The following SLC4A4 variants were observed in gnomAD, a reference collection of about 807,000 sequenced individuals.
SLC4A4 encodes the protein solute carrier family 4 member 4.
A neutral mutation model predicts 111.5 loss-of-function variants in SLC4A4; 27 were observed. The ratio of observed to expected loss-of-function variants is 0.24; its 90% confidence interval spans 0.18 to 0.33. SLC4A4 has a LOEUF of 0.33. Among genes scored for constraint, SLC4A4 ranks in the 10% least tolerant of loss-of-function variants. The pLI, the probability that SLC4A4 is intolerant of heterozygous loss-of-function variation, is 1.00. For synonymous variants in SLC4A4, 443 were observed against 463.4 expected (o/e 0.96, Z 0.57); for missense variants, 909 against 1,315.5 (o/e 0.69, Z 4.78).
At chr4:71,199,420 T>C (rs1314869927) in intron 1 of SLC4A4, among the ~76,000 whole-genome samples, 1 of 152,246 alleles carries the variant, frequency 6.6e-6, no homozygotes, top group Non-Finnish European at 1.5e-5. Flanking sequence ...TCTGGTATAA[T>C]CTCACTACTC....
chr4:71,348,943 A>C (rs1243663710), intron 4 of SLC4A4, among the ~76,000 whole-genome samples: 1 of 152,128 alleles, frequency 6.6e-6, no homozygotes, highest in African/African-American at 2.4e-5. Context: ...TTCCATCTTT[A>C]TCTCTTTCAA....
intron 1 of SLC4A4, among the ~76,000 whole-genome samples, chr4:71,202,622 T>A (rs1357668864): frequency 1.3e-5 from 2 of 152,144 alleles, no homozygotes; most frequent in Non-Finnish European, 2.9e-5. Context: ...TACAACACCT[T>A]CTTTGAAAAT....
intron 1 of SLC4A4, among the ~76,000 whole-genome samples, chr4:71,221,687 C>A (rs1718756100): frequency 6.6e-6 from 1 of 152,166 alleles, no homozygotes; most frequent in Non-Finnish European, 1.5e-5. Context: ...CAAGTGGCAA[C>A]AACTTGAGTC....
At chr4:71,426,882 G>A (rs554855231) in intron 7 of SLC4A4, among the ~76,000 whole-genome samples, 1 of 152,176 alleles carries the variant, frequency 6.6e-6, no homozygotes, top group East Asian at 1.9e-4. Context: ...AGTTACAGCT[G>A]TAAAATATGG....
rs1379559417 is a variant in SLC4A4 at position 71,569,949 on chromosome 4, G to A, written c.*2198G>A. 6.6e-6 allele frequency: 1 copy of A among 151,526 alleles called. No individual in the cohort carries two copies. The highest frequency in any genetic ancestry group is 6.6e-5 in the Admixed American group (1 of 15,150). 9.4% of individuals were successfully genotyped at this position (151,526 alleles called of 1,614,324 possible). ...AATTCTGGCTTCACATTTGTATTTA[G>A]GGCTATCCTTAAAATGATGAGTCTA... On this transcript the variant is annotated 3_prime_UTR_variant, in exon 26 of 26. Coordinates refer to ENST00000264485, the MANE Select transcript of SLC4A4 (RefSeq NM_001098484.3).
chr4:71,325,218 C>T (rs984447696), intron 3 of SLC4A4, among the ~76,000 whole-genome samples: 5 of 151,656 alleles, frequency 3.3e-5, no homozygotes, highest in African/African-American at 1.2e-4. Flanking sequence ...AACTTGTACA[C>T]ATCTCTCCAA....
intron 3 of SLC4A4, among the ~76,000 whole-genome samples, chr4:71,302,624 T>G (rs1725363770): frequency 6.6e-6 from 1 of 152,228 alleles, no homozygotes. Context: ...ACTCCTGGTG[T>G]GCTGTGATTC....
At chr4:71,525,637 G>A (rs1733351374) in intron 16 of SLC4A4, among the ~76,000 whole-genome samples, 1 of 152,084 alleles carries the variant, frequency 6.6e-6, no homozygotes, top group African/African-American at 2.4e-5. Flanking sequence ...AATTTATGAT[G>A]TTTGTTCAAG....
Position 71,473,117 on chromosome 4 carries a change from G to A in SLC4A4, c.1903+147G>A, listed in dbSNP as rs1382297427. On this transcript the variant is annotated intron_variant, in intron 14 of 25. Transcript: ENST00000264485. Reference sequence around the variant, plus strand: ...GAAAAACTCTGCTACTGAATTTGATGTCTCATTGCCTGAGGTATTTTAGCT... The same window carrying A: ...GAAAAACTCTGCTACTGAATTTGATATCTCATTGCCTGAGGTATTTTAGCT... 9 of 883,566 alleles carry A rather than the reference G, an allele frequency of 1.0e-5. No homozygotes were observed. The East Asian group carries it at 1.0e-4, about 10-fold the overall frequency. The allele number at this position is 883,566 out of a possible 1,614,324, so 54.7% of individuals were successfully genotyped here. A position where few individuals can be genotyped will look rare whatever the true frequency, so the allele number is the denominator to read the frequency against.
intron 3 of SLC4A4, among the ~76,000 whole-genome samples, chr4:71,292,196 T>G (rs148834261): frequency 3.3e-5 from 5 of 152,352 alleles, no homozygotes; most frequent in African/African-American, 1.2e-4. Context: ...TGTAATTAGA[T>G]GAAAATGTAG....
At chr4:71,223,553 C>G (rs946729137) in intron 1 of SLC4A4, among the ~76,000 whole-genome samples, 2 of 152,144 alleles carry the variant, frequency 1.3e-5, no homozygotes, top group Non-Finnish European at 2.9e-5. Flanking sequence ...AAGTATATAA[C>G]TGAGTTCAAA....
At chr4:71,235,416 G>T (rs1167658751) in intron 1 of SLC4A4, among the ~76,000 whole-genome samples, 1 of 152,226 alleles carries the variant, frequency 6.6e-6, no homozygotes, top group African/African-American at 2.4e-5. Context: ...CAATGCCTGA[G>T]CATATAATTG....
intron 15 of SLC4A4, among the ~76,000 whole-genome samples, chr4:71,488,642 G>A (rs1182271075): frequency 1.3e-5 from 2 of 151,596 alleles, no homozygotes; most frequent in African/African-American, 4.8e-5. Context: ...TCTTGCTTTA[G>A]GTCACATAGC....
intron 1 of SLC4A4, among the ~76,000 whole-genome samples, chr4:71,203,057 G>A (rs893862130): frequency 6.6e-6 from 1 of 151,998 alleles, no homozygotes; most frequent in African/African-American, 2.4e-5. Flanking sequence ...TTTGGCGGAG[G>A]GTGGTGTTTG....
Position 71,217,772 on chromosome 4 carries a change from G to A in SLC4A4, c.-1-18804G>A, listed in dbSNP as rs868407749. On this transcript the variant is annotated intron_variant, in intron 1 of 25. Transcript: ENST00000264485. ...GAGTGGCATCATATGTACTTAGCTG[G>A]CATTTCCTGATTGACTGTTGGTTTT... 3.3e-5 allele frequency among the ~76,000 whole-genome samples: 5 copies of A among 152,150 alleles called. No individual in the cohort carries two copies. In the South Asian group the frequency reaches 1.0e-3, roughly 32 times the overall value.
intron 3 of SLC4A4, among the ~76,000 whole-genome samples, chr4:71,279,963 T>C (rs1020609595): frequency 2.0e-5 from 3 of 152,124 alleles, no homozygotes; most frequent in African/African-American, 7.2e-5. Context: ...GCCCGGCTAA[T>C]TTTTGTATTT....
At chr4:71,116,091 G>A (rs1743237415) in intron 2 of SLC4A4, among the ~76,000 whole-genome samples, 1 of 152,040 alleles carries the variant, frequency 6.6e-6, no homozygotes. Flanking sequence ...GATGGGGTTT[G>A]ACCACGTTGG....
intron 12 of SLC4A4, among the ~76,000 whole-genome samples, chr4:71,465,216 C>T (rs1727199781): frequency 6.6e-6 from 1 of 152,030 alleles, no homozygotes; most frequent in South Asian, 2.1e-4. Flanking sequence ...AGAACTCTTC[C>T]TATACCAAGA....
At chr4:71,240,716 G>T (rs924064008) in intron 2 of SLC4A4, among the ~76,000 whole-genome samples, 2 of 152,268 alleles carry the variant, frequency 1.3e-5, no homozygotes, top group Admixed American at 1.3e-4. Context: ...CTAATTATTT[G>T]TTAAGAGAAA....
Sources: allele counts gnomAD v4.1 joint callset (sites outside exome capture counted in the v4.1 genomes callset), GRCh38; gene constraint gnomAD v4.1.1; transcripts MANE v1.5; gene names NCBI Gene and HGNC (gene_info 2026-07-23, HGNC 2026-07-21).